The following PRKCE variants were observed in gnomAD, a reference collection of about 807,000 sequenced individuals.
PRKCE encodes protein kinase C epsilon type.
Under a neutral mutation model 85.4 loss-of-function variants are expected in PRKCE, and 16 were observed. The observed-to-expected ratio is 0.19, with a 90% CI of 0.13 to 0.28. The LOEUF (loss-of-function observed/expected upper bound fraction) is 0.28, where lower values mean the gene tolerates loss of function less well. PRKCE is among the 10% of genes least tolerant of loss of function. The pLI is 1.00. For missense variants in PRKCE, 573 were observed against 975.2 expected, an observed-to-expected ratio of 0.59 and a Z score of 5.49; for synonymous variants, 388 against 371.5, an observed-to-expected ratio of 1.04 and a Z score of -0.51.
At chr2:45,749,173 A>T (rs1190306647) in intron 1 of PRKCE, among the ~76,000 whole-genome samples, 2 of 152,208 alleles carry the variant, frequency 1.3e-5, no homozygotes, top group African/African-American at 4.8e-5. Context: ...TACAAGCGTG[A>T]GCTGAGTCCC....
intron 11 of PRKCE, among the ~76,000 whole-genome samples, chr2:46,090,288 T>TCC (rs1223333925): frequency 6.6e-6 from 1 of 152,152 alleles, no homozygotes; most frequent in African/African-American, 2.4e-5. Context: ...TCAAGAGAAT[T>TCC]TCATCCTCAG....
Position 46,053,902 on chromosome 2 carries a change from T to C in PRKCE, c.1438-32306T>C, listed in dbSNP as rs565522390. On this transcript the variant is annotated intron_variant, in intron 10 of 14. Coordinates refer to ENST00000306156, the MANE Select transcript of PRKCE (RefSeq NM_005400.3). ...TCCCAGAAGCAGAATTGCTGACTCATATAGTAGTTCTCCTTTTAATTTTTT... is the reference window on the plus strand; with the variant it reads ...TCCCAGAAGCAGAATTGCTGACTCACATAGTAGTTCTCCTTTTAATTTTTT... 5.9e-5 allele frequency among the ~76,000 whole-genome samples: 9 copies of C among 152,356 alleles called. No individual in the cohort carries two copies. The East Asian group carries it at 1.7e-3, about 29-fold the overall frequency.
chr2:45,958,969 G>C (rs1701200148), intron 2 of PRKCE, among the ~76,000 whole-genome samples: 1 of 150,170 alleles, frequency 6.7e-6, no homozygotes, highest in Non-Finnish European at 1.5e-5. Context: ...ACATCAGAAA[G>C]AGCCACGTCA....
chr2:45,934,554 C>T (rs1558853830), intron 2 of PRKCE, among the ~76,000 whole-genome samples: 2 of 151,478 alleles, frequency 1.3e-5, no homozygotes, highest in Admixed American at 6.6e-5. Flanking sequence ...GAGGCTGAGG[C>T]GGGAAAATCA....
intron 1 of PRKCE, among the ~76,000 whole-genome samples, chr2:45,718,273 T>C (rs1680314962): frequency 2.0e-5 from 3 of 151,414 alleles, no homozygotes. Context: ...CAATTGAGAA[T>C]CACTAGGTTA....
At chr2:45,983,120 A>G (rs552059664) in intron 5 of PRKCE, among the ~76,000 whole-genome samples, 2 of 152,358 alleles carry the variant, frequency 1.3e-5, no homozygotes, top group Admixed American at 6.5e-5. Context: ...TCTTGTTCCC[A>G]GGCAAGACCT....
intron 14 of PRKCE, among the ~76,000 whole-genome samples, chr2:46,172,782 C>G (rs1321543541): frequency 6.6e-6 from 1 of 152,212 alleles, no homozygotes; most frequent in Non-Finnish European, 1.5e-5. Flanking sequence ...TGCTGGGGAC[C>G]CTTGTGGTCT....
intron 6 of PRKCE, among the ~76,000 whole-genome samples, chr2:45,996,128 TG>T (rs1269855531): frequency 6.6e-6 from 1 of 152,146 alleles, no homozygotes; most frequent in Non-Finnish European, 1.5e-5. Context: ...ATAACATAGA[TG>T]GTATTGTTTT....
At chr2:45,819,285 C>G (rs1156452370) in intron 1 of PRKCE, among the ~76,000 whole-genome samples, 1 of 152,210 alleles carries the variant, frequency 6.6e-6, no homozygotes, top group Non-Finnish European at 1.5e-5. Context: ...CAAGGTCACA[C>G]AGCTGCTAAG....
At chr2:45,813,976 C>A (rs1414953488) in intron 1 of PRKCE, among the ~76,000 whole-genome samples, 2 of 152,148 alleles carry the variant, frequency 1.3e-5, no homozygotes, top group Non-Finnish European at 2.9e-5. Flanking sequence ...AGTGTATAAT[C>A]AACATGAATC....
In PRKCE at chr2:46,127,443, T is replaced by C. The variant is rs945521490; in HGVS notation, c.1593-17650T>C. On this transcript the variant is annotated intron_variant, in intron 11 of 14. Coordinates refer to ENST00000306156, the MANE Select transcript of PRKCE (RefSeq NM_005400.3). Reference sequence around the variant, plus strand: ...TTCCAGATGTTCACAGTCATGGCAATATTCATCCAGTAGCTAATTTTTGCC... The same window carrying C: ...TTCCAGATGTTCACAGTCATGGCAACATTCATCCAGTAGCTAATTTTTGCC... Among the ~76,000 whole-genome samples, 43 of 152,206 alleles carry C rather than the reference T, an allele frequency of 2.8e-4. 1 individual carries two copies. The highest frequency in any genetic ancestry group is 3.7e-4 in the Non-Finnish European group (25 of 68,036).
At position 45,964,703 on chromosome 2, in the gene PRKCE, G is replaced by A. The variant is rs1701617479; in HGVS notation, c.413-11726G>A. Among the ~76,000 whole-genome samples the A allele has an allele frequency of 2.0e-5, 3 of 152,208 alleles. No individual in the cohort carries two copies. The South Asian group carries it at 6.2e-4, about 31-fold the overall frequency. On this transcript the variant is annotated intron_variant, in intron 2 of 14. Coordinates refer to ENST00000306156, the MANE Select transcript of PRKCE (RefSeq NM_005400.3). ...GCTTAAGTGAAATCACTGCTCCTCG[G>A]TGCTTCTTTGTGTTCAACACAGTGT...
intron 13 of PRKCE, among the ~76,000 whole-genome samples, chr2:46,154,150 G>A (rs1276747840): frequency 1.3e-5 from 2 of 152,050 alleles, no homozygotes; most frequent in Non-Finnish European, 2.9e-5. Flanking sequence ...GCTAACCCTC[G>A]GAGGACCAGA....
intron 2 of PRKCE, among the ~76,000 whole-genome samples, chr2:45,869,561 A>G (rs1211663593): frequency 6.6e-6 from 1 of 151,886 alleles, no homozygotes; most frequent in Non-Finnish European, 1.5e-5. Flanking sequence ...GGTAGGGACA[A>G]CTCTTCTTCC....
chr2:45,953,513 A>C lies in PRKCE; in HGVS notation c.413-22916A>C, dbSNP rs958452927. On this transcript the variant is annotated intron_variant, in intron 2 of 14. Coordinates refer to ENST00000306156, the MANE Select transcript of PRKCE (RefSeq NM_005400.3). ...CTGGAACACCTCTCCTGGAATACCC[A>C]ACCGTGGGCTGTGCCCTAAACTAAA... 1.1e-4 allele frequency among the ~76,000 whole-genome samples: 17 copies of C among 152,134 alleles called. No individual in the cohort carries two copies. In the East Asian group the frequency reaches 1.3e-3, roughly 12 times the overall value.
chr2:45,802,189 C>G (rs985171880), intron 1 of PRKCE, among the ~76,000 whole-genome samples: 2 of 151,714 alleles, frequency 1.3e-5, no homozygotes, highest in African/African-American at 4.8e-5. Context: ...AGTTGAAGCT[C>G]AGGAGTAGAA....
At chr2:45,826,640 G>A (rs577624970) in intron 1 of PRKCE, among the ~76,000 whole-genome samples, 17 of 152,154 alleles carry the variant, frequency 1.1e-4, no homozygotes, top group South Asian at 2.1e-4. Context: ...AGCTGTCCCC[G>A]GCTGTCTCAC....
intron 5 of PRKCE, among the ~76,000 whole-genome samples, chr2:45,980,882 T>G (rs1702838481): frequency 6.6e-6 from 1 of 152,228 alleles, no homozygotes; most frequent in African/African-American, 2.4e-5. Flanking sequence ...ATTGAAGCAC[T>G]TTAACATATA....
intron 1 of PRKCE, among the ~76,000 whole-genome samples, chr2:45,741,791 A>G (rs905986610): frequency 6.6e-6 from 1 of 152,192 alleles, no homozygotes; most frequent in African/African-American, 2.4e-5. Flanking sequence ...CCACTGGGTG[A>G]CCAGAGAAGC....
Sources: allele counts gnomAD v4.1 joint callset (sites outside exome capture counted in the v4.1 genomes callset), GRCh38; gene constraint gnomAD v4.1.1; transcripts MANE v1.5; gene names NCBI Gene and HGNC (gene_info 2026-07-23, HGNC 2026-07-21).